KIRREL3: variants seen among roughly 807,000 people sequenced by gnomAD.
The protein encoded by KIRREL3 is kirre like nephrin family adhesion molecule 3.
In KIRREL3, 36 loss-of-function variants were observed where a neutral mutation model predicts 89.7. The observed-to-expected ratio is 0.40, with a 90% CI of 0.31 to 0.53. The LOEUF (loss-of-function observed/expected upper bound fraction) is 0.53, where lower values mean the gene tolerates loss of function less well. Ranked by LOEUF, KIRREL3 falls within the 20% of genes least tolerant of loss-of-function variation. The pLI is 0.49. For missense variants in KIRREL3, 864 were observed against 1,056.6 expected (o/e 0.82, Z 2.53); for synonymous variants, 445 against 441.4 (o/e 1.01, Z -0.10).
At chr11:126,637,221 T>C (rs1361442537) in intron 1 of KIRREL3, among the ~76,000 whole-genome samples, 2 of 152,242 alleles carry the variant, frequency 1.3e-5, no homozygotes, top group African/African-American at 4.8e-5. Context: ...CTCACTGGTA[T>C]GCTGAGTTTT....
rs1944040197 is a variant in KIRREL3, at chr11:126,843,711, C to T, written c.55+156744G>A. Among the ~76,000 whole-genome samples, 1 of 152,130 alleles carries T rather than the reference C, an allele frequency of 6.6e-6. No individual in the cohort carries two copies. Among genetic ancestry groups the T allele is most frequent in the Non-Finnish European group, 1.5e-5 (1 of 68,032 alleles). ...CACAGAATGAGATAGGAGGTCAGCA[C>T]AAGATACAGGTCATGGAGACTTTGC... On this transcript the variant is annotated intron_variant, in intron 1 of 16. Transcript: ENST00000525144. This position sits in a 1 kb window ranked among gnomAD's most constrained non-coding sequence, Gnocchi z 4.6.
rs1001956569 is a variant in KIRREL3 at position 126,994,386 on chromosome 11, C to T, written c.55+6069G>A. ...CATGCCCCAACAGAACAGCTCCACA[C>T]AGAGCAGATTCACCTATGCTGGCCA... On this transcript the variant is annotated intron_variant, in intron 1 of 16. Transcript: ENST00000525144. The surrounding 1 kb of genome is among the most constrained non-coding windows in gnomAD (Gnocchi z 5.2). Among the ~76,000 whole-genome samples the T allele has an allele frequency of 1.3e-5, 2 of 152,184 alleles. No homozygotes were observed. Among genetic ancestry groups the T allele is most frequent in the African/African-American group, 4.8e-5 (2 of 41,434 alleles).
At position 126,435,285 on chromosome 11, in the gene KIRREL3, C is replaced by T. The variant is rs372309053; in HGVS notation, c.1571G>A (p.Gly524Glu). The T allele has an allele frequency of 2.5e-6, 4 of 1,613,730 alleles. No homozygotes were observed. In the African/African-American group the frequency reaches 4.0e-5, roughly 16 times the overall value. The change falls in exon 13 of 17, where the codon GGA becomes GAA. Residue 524 changes from glycine to glutamate, a missense_variant. By Grantham distance (98) the Gly-to-Glu change is moderately conservative. Transcript: ENST00000525144. ...LKEQGSEMKS[G>E]AGLEAESVPM... ...TTCCGTACCTGCTTCCAGCCCGGCTCCCGACTTCATTTCCGAACCTGTTTG... is the reference window on the plus strand; with the variant it reads ...TTCCGTACCTGCTTCCAGCCCGGCTTCCGACTTCATTTCCGAACCTGTTTG...
intron 1 of KIRREL3, among the ~76,000 whole-genome samples, chr11:126,667,693 C>A (rs924511256): frequency 2.0e-5 from 3 of 152,116 alleles, no homozygotes; most frequent in Non-Finnish European, 4.4e-5. Flanking sequence ...ATTCTGAGAC[C>A]CTTCTTGGGG....
At position 126,903,767 on chromosome 11, in the gene KIRREL3, A is replaced by G. The variant is rs1259349749; in HGVS notation, c.55+96688T>C. Among the ~76,000 whole-genome samples the G allele has an allele frequency of 6.6e-6, 1 of 152,216 alleles. No homozygotes were observed. Among genetic ancestry groups the G allele is most frequent in the African/African-American group, 2.4e-5 (1 of 41,466 alleles). ...GTAATCACCTTAATAGGTCAACATA[A>G]CAATGGATGTTGCTGGTGGAAAAAA... On this transcript the variant is annotated intron_variant, in intron 1 of 16. Coordinates refer to ENST00000525144, the MANE Select transcript of KIRREL3 (RefSeq NM_032531.4). The surrounding 1 kb of genome is among the most constrained non-coding windows in gnomAD (Gnocchi z 4.5).
rs1944501378 is a variant in KIRREL3, at chr11:126,642,300, C to T, written c.56-79388G>A. Among the ~76,000 whole-genome samples, 1 of 152,252 alleles carries T rather than the reference C, an allele frequency of 6.6e-6. No homozygotes were observed. Among genetic ancestry groups the T allele is most frequent in the African/African-American group, 2.4e-5 (1 of 41,460 alleles). On this transcript the variant is annotated intron_variant, in intron 1 of 16. Coordinates refer to ENST00000525144, the MANE Select transcript of KIRREL3 (RefSeq NM_032531.4). The surrounding 1 kb of genome is among the most constrained non-coding windows in gnomAD (Gnocchi z 4.9). ...CCATTTCTGAGACCAGCAAGAGGCT[C>T]TGTTTGCGCCAAGTCTCCCTGTAAA...
In KIRREL3 at chr11:126,901,445, CAG is replaced by C. The variant is rs898884562; in HGVS notation, c.55+99008_55+99009del. ...GTTAGTTGCTAGTCTGGAAAATCTG[CAG>C]AGTCTCAGCAAATCCAGCTCCATTC... is the stretch of plus-strand genomic sequence containing the variant. On this transcript the variant is annotated intron_variant, in intron 1 of 16. Coordinates refer to ENST00000525144, the MANE Select transcript of KIRREL3 (RefSeq NM_032531.4). Among the ~76,000 whole-genome samples the C allele has an allele frequency of 8.5e-5, 13 of 152,256 alleles. No homozygotes were observed. In the East Asian group the frequency reaches 1.7e-3, roughly 20 times the overall value.
intron 1 of KIRREL3, among the ~76,000 whole-genome samples, chr11:126,760,708 C>A (rs1346344026): frequency 6.6e-6 from 1 of 152,194 alleles, no homozygotes; most frequent in African/African-American, 2.4e-5. Context: ...ACCTTGAAGT[C>A]AGACCATTAT....
At position 126,570,999 on chromosome 11, in the gene KIRREL3, G is replaced by A. The variant is rs145222325; in HGVS notation, c.56-8087C>T. On this transcript the variant is annotated intron_variant, in intron 1 of 16. Coordinates refer to ENST00000525144, the MANE Select transcript of KIRREL3 (RefSeq NM_032531.4). This position sits in a 1 kb window ranked among gnomAD's most constrained non-coding sequence, Gnocchi z 6.1. ...GTTATTCTCCTTGTTGTTATTTAGC[G>A]AGAGATTGACACTTTAGAGGAGTGA... Among the ~76,000 whole-genome samples the A allele has an allele frequency of 3.7e-4, 57 of 152,222 alleles. No individual in the cohort carries two copies. The highest frequency in any genetic ancestry group is 9.6e-4 in the African/African-American group (40 of 41,544).
chr11:126,821,201 C>T (rs898070386), intron 1 of KIRREL3, among the ~76,000 whole-genome samples: 1 of 151,690 alleles, frequency 6.6e-6, no homozygotes, highest in Non-Finnish European at 1.5e-5. Context: ...GAGGGGTTTT[C>T]CTAGACAAGG....
At position 126,471,186 on chromosome 11, in the gene KIRREL3, C is replaced by T. The variant is rs1018498867; in HGVS notation, c.591+2123G>A. ...CAGCCTGACCAACATGGAGTAACCC[C>T]GTCTCTTTTAAAAATACAAAAAAAG... On this transcript the variant is annotated intron_variant, in intron 5 of 16. Coordinates refer to ENST00000525144, the MANE Select transcript of KIRREL3 (RefSeq NM_032531.4). This position sits in a 1 kb window ranked among gnomAD's most constrained non-coding sequence, Gnocchi z 5.4. Among the ~76,000 whole-genome samples the T allele has an allele frequency of 6.6e-5, 10 of 151,772 alleles. No homozygotes were observed. Among genetic ancestry groups the T allele is most frequent in the African/African-American group, 2.4e-4 (10 of 41,370 alleles).
Position 126,768,133 on chromosome 11 carries a change from T to TATCCATCCATCC in KIRREL3, c.56-205233_56-205222dup, listed in dbSNP as rs150912161. 0.044 allele frequency among the ~76,000 whole-genome samples: 5,614 copies of TATCCATCCATCC among 126,758 alleles called. 264 individuals carry two copies. The highest frequency in any genetic ancestry group is 0.061 in the Non-Finnish European group (3,789 of 62,236). The allele number at this position is 126,758 out of a possible 152,430, so 83.2% of individuals were successfully genotyped here. ...CTGTCCATCCATCTGTCTATCCATC[T>TATCCATCCATCC]ATCCATCCATCCATCCATCCATCCA... On this transcript the variant is annotated intron_variant, in intron 1 of 16. Coordinates refer to ENST00000525144, the MANE Select transcript of KIRREL3 (RefSeq NM_032531.4). This position sits in a 1 kb window ranked among gnomAD's most constrained non-coding sequence, Gnocchi z 4.5.
intron 1 of KIRREL3, among the ~76,000 whole-genome samples, chr11:126,866,293 C>A (rs1444659054): frequency 6.6e-6 from 1 of 152,182 alleles, no homozygotes; most frequent in Admixed American, 6.5e-5. Flanking sequence ...CCCTTTCCAC[C>A]TGGCCTGGCC....
At chr11:126,472,452 T>A (rs1956921397) in intron 5 of KIRREL3, among the ~76,000 whole-genome samples, 1 of 152,142 alleles carries the variant, frequency 6.6e-6, no homozygotes, top group South Asian at 2.1e-4. Context: ...GGCCTCTTTT[T>A]TGTAAGGGCA....
intron 4 of KIRREL3, among the ~76,000 whole-genome samples, chr11:126,502,425 T>A (rs1342148346): frequency 3.3e-5 from 5 of 152,184 alleles, no homozygotes; most frequent in African/African-American, 1.2e-4. Context: ...AAGCTGTCCC[T>A]TCTGGGCAGG....
In KIRREL3 at chr11:126,740,840, C is replaced by T. The variant is rs1451851162; in HGVS notation, c.56-177928G>A. Among the ~76,000 whole-genome samples, 11 of 152,216 alleles carry T rather than the reference C, an allele frequency of 7.2e-5. No individual in the cohort carries two copies. Among genetic ancestry groups the T allele is most frequent in the South Asian group, 6.2e-4 (3 of 4,818 alleles). ...TGTTAGATTTACATTAAAATGAGGT[C>T]GTGCTTCTTGGAAAAAGCCACTCAC... is the stretch of plus-strand genomic sequence containing the variant. On this transcript the variant is annotated intron_variant, in intron 1 of 16. Coordinates refer to ENST00000525144, the MANE Select transcript of KIRREL3 (RefSeq NM_032531.4). The surrounding 1 kb of genome is among the most constrained non-coding windows in gnomAD (Gnocchi z 6.0).
chr11:126,733,577 G>A (rs940083984), intron 1 of KIRREL3, among the ~76,000 whole-genome samples: 1 of 152,062 alleles, frequency 6.6e-6, no homozygotes, highest in African/African-American at 2.4e-5. Flanking sequence ...TTCTTAAAAG[G>A]CTCTTGAAAC....
chr11:126,895,013 A>G (rs945674816), intron 1 of KIRREL3, among the ~76,000 whole-genome samples: 12 of 152,102 alleles, frequency 7.9e-5, no homozygotes, highest in Non-Finnish European at 1.6e-4. Context: ...CAAGGGGAGC[A>G]CTCTGCAAGA....
chr11:126,934,360 T>A (rs1218740747), intron 1 of KIRREL3, among the ~76,000 whole-genome samples: 1 of 152,136 alleles, frequency 6.6e-6, no homozygotes, highest in Non-Finnish European at 1.5e-5. Context: ...ACAAAAATTT[T>A]AAAAGAAAAT....
Sources: gnomAD v4.1 joint callset for allele counts (sites outside exome capture counted in the v4.1 genomes callset) on GRCh38, gnomAD v4.1.1 for gene constraint, Gnocchi (gnomAD v3.1) non-coding constraint, MANE v1.5 for transcripts, NCBI Gene and HGNC (gene_info 2026-07-23, HGNC 2026-07-21) for gene names.